Variants in SMCO1 observed in about 807,000 individuals in gnomAD.
The protein encoded by SMCO1 is single-pass membrane and coiled-coil domain-containing protein 1.
In SMCO1, 9 loss-of-function variants were observed where a neutral mutation model predicts 7.5. The observed-to-expected ratio is 1.20, with a 90% CI of 0.72 to 2.09. The LOEUF (loss-of-function observed/expected upper bound fraction) is 2.09. SMCO1 is among the 30% of genes most tolerant of loss of function. The pLI is 0.00. For missense variants in SMCO1, 219 were observed against 253.1 expected (o/e 0.87, Z 0.91); for synonymous variants, 90 against 93.8 (o/e 0.96, Z 0.23).
chr3:196,514,529 G>A (rs1253527143), intron 1 of SMCO1, among the ~76,000 whole-genome samples: 9 of 152,124 alleles, frequency 5.9e-5, no homozygotes, highest in African/African-American at 9.7e-5. Flanking sequence ...ACCATTGTAA[G>A]GTCAGTCACA....
upstream of SMCO1, among the ~76,000 whole-genome samples, chr3:196,515,988 G>GACATATAT (rs1296248474): frequency 4.2e-5 from 1 of 23,918 alleles, no homozygotes; most frequent in Non-Finnish European, 6.8e-5. Context: ...AAGAGGATAG[G>GACATATAT]ATATATATAT....
At chr3:196,508,710 T>G (rs9681119) in intron 2 of SMCO1, among the ~76,000 whole-genome samples, 74,557 of 149,974 alleles carry the variant, frequency 0.5, 20,817 homozygotes, top group African/African-American at 0.75. Context: ...GACGAGGTGG[T>G]TGGATCACCT....
chr3:196,512,274 T>C (rs909601658), intron 1 of SMCO1, among the ~76,000 whole-genome samples: 1 of 152,058 alleles, frequency 6.6e-6, no homozygotes, highest in African/African-American at 2.4e-5. Flanking sequence ...GCCAAGTAGA[T>C]TGTTGTTATG....
upstream of SMCO1, among the ~76,000 whole-genome samples, chr3:196,515,983 G>A (rs1380389597): frequency 1.2e-5 from 1 of 81,868 alleles, no homozygotes; most frequent in East Asian, 4.3e-4. Context: ...CGGGCAAGAG[G>A]ATAGGATATA....
rs903940214 is a variant in SMCO1 at position 196,508,159 on chromosome 3, T to C, written c.373A>G (p.Ile125Val). Residue 125 changes from isoleucine (I) to valine (V), a missense_variant, in exon 3 of 3, where the codon ATA becomes GTA. Transcript: ENST00000397537. Reference sequence around the variant, plus strand: ...TCTTGCAGCCCACACTCCTCCAGTATGGACTCCCATACAACTCTAACGCGC... The same window carrying C: ...TCTTGCAGCCCACACTCCTCCAGTACGGACTCCCATACAACTCTAACGCGC... ...NKRVRVVWES[I>V]LEECGLQEGD... is the part of the protein sequence containing the mutation. 2.5e-6 allele frequency: 4 copies of C among 1,614,202 alleles called. No individual in the cohort carries two copies. Among genetic ancestry groups the C allele is most frequent in the Non-Finnish European group, 3.4e-6 (4 of 1,180,046 alleles).
At chr3:196,520,641 T>C in the SMCO1 span, among the ~76,000 whole-genome samples, 2 of 152,274 alleles carry the variant, frequency 1.3e-5, no homozygotes, top group East Asian at 3.9e-4. Flanking sequence ...ACGACCCCGA[T>C]AGATATATAG....
rs917019962 is a variant in SMCO1 at position 196,508,435 on chromosome 3, C to G, written c.201-104G>C. The G allele has an allele frequency of 4.9e-6, 4 of 815,598 alleles. No individual in the cohort carries two copies. In the African/African-American group the frequency reaches 5.3e-5, roughly 11 times the overall value. The allele number at this position is 815,598 out of a possible 1,614,324, so 50.5% of individuals were successfully genotyped here. A position where few individuals can be genotyped will look rare whatever the true frequency, so the allele number is the denominator to read the frequency against. ...CTCAATATGAACCCACTAGGAGAAC[C>G]AGCTGTTGTAATTTAGAAAATATTT... On this transcript the variant is annotated intron_variant, in intron 2 of 2. Transcript: ENST00000397537.
intron 1 of SMCO1, among the ~76,000 whole-genome samples, chr3:196,511,465 A>C (rs551123217): frequency 0.013 from 580 of 44,672 alleles, 1 homozygote; most frequent in South Asian, 0.017. Flanking sequence ...CTAGATTCTC[A>C]TTATGAGGGA....
Position 196,509,683 on chromosome 3 carries a change from G to A in SMCO1, c.51-14C>T. On this transcript the variant is annotated splice_polypyrimidine_tract_variant and intron_variant, in intron 1 of 2. Transcript: ENST00000397537. ...TTGTGGTCTACTCTGTAGGATAACA[G>A]AATCAAGGGTTAGTTTAGGTTACAG... is the stretch of plus-strand genomic sequence containing the variant. 6.2e-7 allele frequency: 1 copy of A among 1,606,212 alleles called. No individual in the cohort carries two copies. Among genetic ancestry groups the A allele is most frequent in the Non-Finnish European group, 8.5e-7 (1 of 1,174,382 alleles).
In SMCO1 at chr3:196,507,455, A is replaced by G. The variant is rs1029713842; in HGVS notation, c.*432T>C. ...TGGTTCAAAATTGAAAATGTAAAAA[A>G]TGGATTAACAGTGAAAAGACTTCCT... On this transcript the variant is annotated 3_prime_UTR_variant, in exon 3 of 3. Transcript: ENST00000397537. 6.6e-6 allele frequency: 1 copy of G among 152,356 alleles called. No individual in the cohort carries two copies. Among genetic ancestry groups the G allele is most frequent in the Admixed American group, 6.5e-5 (1 of 15,294 alleles). The allele number at this position is 152,356 out of a possible 1,614,324, so 9.4% of individuals were successfully genotyped here.
At chr3:196,516,023 AT>A (rs1171593809), upstream of SMCO1, among the ~76,000 whole-genome samples, 17 of 121,192 alleles carry the variant, frequency 1.4e-4, no homozygotes, top group Admixed American at 4.6e-4. Flanking sequence ...ATATATATAT[AT>A]ATATATAATT....
At chr3:196,509,404 A>G (rs1733154965) in intron 2 of SMCO1, 116 bp downstream of exon 2, 1 of 910,410 alleles carries the variant, frequency 1.1e-6, no homozygotes, top group Non-Finnish European at 1.6e-6. Flanking sequence ...ACCTAAGAAA[A>G]TGTAATTGCT....
intron 1 of SMCO1, 105 bp downstream of exon 1, chr3:196,515,055 A>G (rs1733349923): frequency 7.3e-7 from 1 of 1,362,106 alleles, no homozygotes. Context: ...ACAGAATTCT[A>G]ATGAGCATGT....
At chr3:196,517,185 G>A (rs1049141905), upstream of SMCO1, among the ~76,000 whole-genome samples, 5 of 142,636 alleles carry the variant, frequency 3.5e-5, no homozygotes, top group Non-Finnish European at 6.0e-5. Flanking sequence ...TTTGGTCTTC[G>A]TCCCCATTTC....
chr3:196,509,726 G>T (rs1733169080), intron 1 of SMCO1, 57 bp from the exon 2 acceptor site: 3 of 1,435,588 alleles, frequency 2.1e-6, no homozygotes, highest in South Asian at 2.9e-5. Flanking sequence ...CTAAGGTTTT[G>T]ATTTAAGCTG....
the SMCO1 span, among the ~76,000 whole-genome samples, chr3:196,520,688 C>T: frequency 6.1e-3 from 931 of 152,234 alleles, 7 homozygotes; most frequent in African/African-American, 0.021. Context: ...TTTGATCTCA[C>T]GTGTTGCTCC....
In SMCO1 at chr3:196,506,967, G is replaced by A. The variant is rs1733060560; in HGVS notation, c.*920C>T. The A allele has an allele frequency of 6.6e-6, 1 of 152,198 alleles. No homozygotes were observed. The highest frequency in any genetic ancestry group is 2.1e-4 in the South Asian group (1 of 4,830). The allele number at this position is 152,198 out of a possible 1,614,324, so 9.4% of individuals were successfully genotyped here. A position where few individuals can be genotyped will look rare whatever the true frequency, so the allele number is the denominator to read the frequency against. ...AAGGTGGGTTGCTGGCCACGAGCCT[G>A]AGTCTATGGGTTTTTGTGGGCTAGA... is the stretch of plus-strand genomic sequence containing the variant. On this transcript the variant is annotated 3_prime_UTR_variant, in exon 3 of 3. Coordinates refer to ENST00000397537, the MANE Select transcript of SMCO1 (RefSeq NM_001077657.3).
At chr3:196,516,066 A>T (rs1288382564), upstream of SMCO1, among the ~76,000 whole-genome samples, 1 of 120,212 alleles carries the variant, frequency 8.3e-6, no homozygotes, top group Admixed American at 8.8e-5. Context: ...ATTATATATA[A>T]TATATAATTT....
upstream of SMCO1, among the ~76,000 whole-genome samples, chr3:196,519,300 A>G (rs77785060): frequency 0.023 from 3,447 of 152,344 alleles, 125 homozygotes; most frequent in African/African-American, 0.078. Flanking sequence ...ACTCGCTACT[A>G]GTCCTCGTGC....
Sources: gnomAD v4.1 joint callset for allele counts (sites outside exome capture counted in the v4.1 genomes callset) on GRCh38, gnomAD v4.1.1 for gene constraint, MANE v1.5 for transcripts, NCBI Gene and HGNC (gene_info 2026-07-23, HGNC 2026-07-21) for gene names.